Variants in WDR72 observed in about 807,000 individuals in gnomAD.
WDR72 encodes WD repeat-containing protein 72.
Under a neutral mutation model 124.2 loss-of-function variants are expected in WDR72, and 120 were observed. The observed-to-expected ratio is 0.97, with a 90% CI of 0.83 to 1.12. The LOEUF (loss-of-function observed/expected upper bound fraction) is 1.12, where lower values mean the gene tolerates loss of function less well. WDR72 is among the 50% of genes most tolerant of loss of function. The pLI is 0.00. For missense variants in WDR72, 1,387 were observed against 1,278.8 expected, an observed-to-expected ratio of 1.08 and a Z score of -1.29; for synonymous variants, 452 against 441.7, an observed-to-expected ratio of 1.02 and a Z score of -0.29.
chr15:53,607,013 T>C (rs1236356906), intron 17 of WDR72, among the ~76,000 whole-genome samples: 1 of 152,166 alleles, frequency 6.6e-6, no homozygotes, highest in Non-Finnish European at 1.5e-5. Flanking sequence ...TAATCATTTG[T>C]AATTGGAGTT....
chr15:53,756,543 T>C (rs2018911762), intron 1 of WDR72: 1 of 152,146 alleles, frequency 6.6e-6, no homozygotes, highest in Non-Finnish European at 1.5e-5. Flanking sequence ...TACTCGCTTA[T>C]TGTTTTAAAC....
In WDR72 at chr15:53,526,292, T is replaced by C. The variant is rs922608144; in HGVS notation, c.3149-2970A>G. The stretch of plus-strand genomic sequence containing the variant: ...AGTGCAGAGGAGAATTCCTCTACAA[T>C]AGAGTAGTCTGAAGGTAAAATTTGA... On this transcript the variant is annotated intron_variant, in intron 18 of 19. Coordinates refer to ENST00000360509, the MANE Select transcript of WDR72 (RefSeq NM_182758.4). Among the ~76,000 whole-genome samples the C allele has an allele frequency of 9.9e-5, 15 of 152,118 alleles. No homozygotes were observed. In the East Asian group the frequency reaches 2.3e-3, roughly 24 times the overall value.
At position 53,514,769 on chromosome 15, in the gene WDR72, A is replaced by G. The variant is rs1344286109; in HGVS notation, c.*2930T>C. ...TTTAATAGTGCTCACATTGCTTTCT[A>G]GCACCTCTGGATGAGCCCTGTGAGA... On this transcript the variant is annotated 3_prime_UTR_variant, in exon 20 of 20. Transcript: ENST00000360509. 1 of 151,946 alleles carries G rather than the reference A, an allele frequency of 6.6e-6. No individual in the cohort carries two copies. The highest frequency in any genetic ancestry group is 1.5e-5 in the Non-Finnish European group (1 of 67,998). The allele number at this position is 151,946 out of a possible 1,614,324, so 9.4% of individuals were successfully genotyped here. A position where few individuals can be genotyped will look rare whatever the true frequency, so the allele number is the denominator to read the frequency against.
rs1891391338 is a variant in WDR72 at position 53,515,108 on chromosome 15, A to ACAC, written c.*2590_*2591insGTG. 3.7e-5 allele frequency: 1 copy of ACAC among 27,144 alleles called. No homozygotes were observed. The highest frequency in any genetic ancestry group is 8.7e-5 in the African/African-American group (1 of 11,466). The allele number at this position is 27,144 out of a possible 1,614,324, so 1.7% of individuals were successfully genotyped here. ...GTATACACACACACACACACACACA[A>ACAC]ATACATTCATAAATATCACCAAGAT... On this transcript the variant is annotated 3_prime_UTR_variant, in exon 20 of 20. Transcript: ENST00000360509.
At chr15:53,559,800 C>T (rs1241987183) in intron 18 of WDR72, among the ~76,000 whole-genome samples, 1 of 151,978 alleles carries the variant, frequency 6.6e-6, no homozygotes, top group Admixed American at 6.6e-5. Context: ...CAATTATGTT[C>T]TCTTAACTCG....
intron 14 of WDR72, among the ~76,000 whole-genome samples, chr15:53,635,424 T>C (rs1227025546): frequency 6.6e-6 from 1 of 152,220 alleles, no homozygotes; most frequent in Non-Finnish European, 1.5e-5. Context: ...CCTTGCCATC[T>C]ATAGCCCTAC....
At chr15:53,708,125 C>G (rs1252716587) in intron 9 of WDR72, among the ~76,000 whole-genome samples, 1 of 152,192 alleles carries the variant, frequency 6.6e-6, no homozygotes, top group Admixed American at 6.5e-5. Flanking sequence ...CTGCTATTCA[C>G]CTGAAAACTT....
rs143573885 is a variant in WDR72 at position 53,751,589 on chromosome 15, C to T, written c.-13+8044G>A. ...ACTGCAATATTCACTTTATTAGAGA[C>T]GCTTGGAATCAAACCTACAACAGAA... On this transcript the variant is annotated intron_variant, in intron 1 of 19. Coordinates refer to ENST00000360509, the MANE Select transcript of WDR72 (RefSeq NM_182758.4). 2.9e-3 allele frequency among the ~76,000 whole-genome samples: 442 copies of T among 152,206 alleles called. 1 individual carries two copies. The highest frequency in any genetic ancestry group is 0.01 in the African/African-American group (417 of 41,540).
intron 1 of WDR72, among the ~76,000 whole-genome samples, chr15:53,735,866 C>A (rs2018338748): frequency 6.7e-6 from 1 of 150,114 alleles, no homozygotes; most frequent in African/African-American, 2.4e-5. Context: ...AATTAAAAAC[C>A]CAAAGAAAAA....
intron 1 of WDR72, among the ~76,000 whole-genome samples, chr15:53,737,481 G>A (rs1323053806): frequency 6.6e-6 from 1 of 152,122 alleles, no homozygotes; most frequent in African/African-American, 2.4e-5. Context: ...GAATAATAAT[G>A]TACCAGGCAA....
At chr15:53,567,002 G>T (rs964630533) in intron 18 of WDR72, among the ~76,000 whole-genome samples, 12 of 151,902 alleles carry the variant, frequency 7.9e-5, no homozygotes, top group African/African-American at 2.9e-4. Flanking sequence ...GTGTCAAATT[G>T]AGGATTTAAA....
upstream of WDR72, among the ~76,000 whole-genome samples, chr15:53,761,081 A>G (rs2019055225): frequency 6.6e-6 from 1 of 152,144 alleles, no homozygotes; most frequent in African/African-American, 2.4e-5. Context: ...CTGAGATCAC[A>G]CCACTGCACT....
intron 12 of WDR72, among the ~76,000 whole-genome samples, chr15:53,701,748 T>C (rs143394886): frequency 8.7e-4 from 132 of 152,266 alleles, no homozygotes; most frequent in African/African-American, 3.0e-3. Flanking sequence ...AATTTATAGA[T>C]TCCTATATTG....
At chr15:53,639,033 A>C (rs2014732997) in intron 14 of WDR72, among the ~76,000 whole-genome samples, 1 of 152,046 alleles carries the variant, frequency 6.6e-6, no homozygotes, top group African/African-American at 2.4e-5. Context: ...CAAGTTTCTC[A>C]CTAAGGAAGT....
chr15:53,545,302 T>G (rs1893388925), intron 18 of WDR72, among the ~76,000 whole-genome samples: 1 of 151,456 alleles, frequency 6.6e-6, no homozygotes, highest in Admixed American at 6.6e-5. Context: ...ATGGTACTGG[T>G]ACCGAAACAG....
intron 14 of WDR72, among the ~76,000 whole-genome samples, chr15:53,617,539 A>C (rs560029067): frequency 7.9e-5 from 12 of 151,826 alleles, no homozygotes; most frequent in Admixed American, 5.9e-4. Flanking sequence ...TGGAGAACAA[A>C]TTATAAGAGC....
At chr15:53,609,680 G>A in intron 16 of WDR72, 88 bp from the exon 17 acceptor site, 1 of 1,137,840 alleles carries the variant, frequency 8.8e-7, no homozygotes, top group Non-Finnish European at 1.3e-6. Context: ...GAATCACCTG[G>A]GAAGCTTTGT....
chr15:53,747,783 CA>C (rs2018677616), intron 1 of WDR72, among the ~76,000 whole-genome samples: 1 of 152,138 alleles, frequency 6.6e-6, no homozygotes, highest in Non-Finnish European at 1.5e-5. Flanking sequence ...AGGAAATGAG[CA>C]TTAGATGTGG....
At chr15:53,605,208 G>A (rs1271372178) in intron 17 of WDR72, among the ~76,000 whole-genome samples, 2 of 152,106 alleles carry the variant, frequency 1.3e-5, no homozygotes, top group Admixed American at 6.6e-5. Context: ...TGGAGTCGGC[G>A]GCCATTATCC....
Sources: gnomAD v4.1 joint callset for allele counts (sites outside exome capture counted in the v4.1 genomes callset) on GRCh38, gnomAD v4.1.1 for gene constraint, MANE v1.5 for transcripts, NCBI Gene and HGNC (gene_info 2026-07-23, HGNC 2026-07-21) for gene names.